The following DMD variants were observed in gnomAD, a reference collection of about 807,000 sequenced individuals.
DMD encodes mutant dystrophin.
A neutral mutation model predicts 330.1 loss-of-function variants in DMD; 63 were observed. The ratio of observed to expected loss-of-function variants is 0.19; its 90% CI spans 0.16 to 0.24. The LOEUF (loss-of-function observed/expected upper bound fraction) is 0.24. Among genes scored for constraint, DMD ranks in the 10% least tolerant of loss-of-function variants. The pLI is 1.00. For missense variants in DMD, 3,344 were observed against 2,684.1 expected, an observed-to-expected ratio of 1.25 and a Z score of -5.43; for synonymous variants, 1,223 against 959.8, an observed-to-expected ratio of 1.27 and a Z score of -5.07.
In DMD at chrX:31,227,121, G is replaced by A. The variant is rs894075290; in HGVS notation, c.9287-4000C>T. ...TATCATCTTTCTTCTTTCAAAGAAC[G>A]ACGATTCCTCTCTTATGACCCCAAT... On this transcript the variant is annotated intron_variant, in intron 63 of 78. Transcript: ENST00000357033. 2.7e-5 allele frequency among the ~76,000 whole-genome samples: 3 copies of A among 110,607 alleles called. No homozygotes were observed. In the East Asian group the frequency reaches 8.4e-4, roughly 31 times the overall value.
intron 51 of DMD, among the ~76,000 whole-genome samples, chrX:31,771,601 A>C (rs748625210): frequency 9.1e-6 from 1 of 109,672 alleles, no homozygotes; most frequent in South Asian, 3.9e-4. Flanking sequence ...TCCAGGATTC[A>C]AGTGATTCTC....
chrX:31,334,597 C>T (rs957986194), intron 61 of DMD, among the ~76,000 whole-genome samples: 2 of 111,436 alleles, frequency 1.8e-5, no homozygotes, highest in Non-Finnish European at 3.8e-5. Context: ...TTTTTATCTT[C>T]ATATTTCAGG....
At chrX:31,256,481 C>T (rs1007188091) in intron 63 of DMD, among the ~76,000 whole-genome samples, 1 of 111,907 alleles carries the variant, frequency 8.9e-6, no homozygotes, top group African/African-American at 3.2e-5. Flanking sequence ...ATTTCTAACA[C>T]TTGATGGAAA....
intron 55 of DMD, among the ~76,000 whole-genome samples, chrX:31,543,620 G>A (rs1224974651): frequency 4.5e-5 from 5 of 112,275 alleles, no homozygotes; most frequent in Non-Finnish European, 9.4e-5. Flanking sequence ...AGTCCATTTG[G>A]TGGATGTTTA....
chrX:32,374,595 T>C (rs1412418991), intron 34 of DMD, among the ~76,000 whole-genome samples: 2 of 112,031 alleles, frequency 1.8e-5, no homozygotes, highest in African/African-American at 3.2e-5. Context: ...GCCAACTTTG[T>C]CAAAAATCAG....
chrX:32,628,258 ATTTTTTTT>A (rs1170760390), intron 11 of DMD, among the ~76,000 whole-genome samples: 3 of 15,352 alleles, frequency 2.0e-4, no homozygotes, highest in East Asian at 2.2e-3. Context: ...AGTTGTTTTA[ATTTTTTTT>A]TTTTTTTTTT....
chrX:32,436,527 C>T (rs1237832706), intron 29 of DMD, among the ~76,000 whole-genome samples: 1 of 111,433 alleles, frequency 9.0e-6, no homozygotes, highest in African/African-American at 3.3e-5. Context: ...ATACCAAAAA[C>T]CTTTAAAATA....
At chrX:31,359,113 T>C (rs1194971767) in intron 60 of DMD, among the ~76,000 whole-genome samples, 1 of 111,874 alleles carries the variant, frequency 8.9e-6, no homozygotes, top group Non-Finnish European at 1.9e-5. Flanking sequence ...GCAGAAAAAA[T>C]AAAAATAAAT....
At chrX:31,756,464 A>G (rs1260393982) in intron 51 of DMD, among the ~76,000 whole-genome samples, 2 of 16,800 alleles carry the variant, frequency 1.2e-4, no homozygotes, top group South Asian at 3.9e-3. Context: ...GTGTATGTGT[A>G]CACACACACA....
intron 44 of DMD, among the ~76,000 whole-genome samples, chrX:31,984,020 C>G (rs182860783): frequency 9.0e-6 from 1 of 110,877 alleles, no homozygotes; most frequent in Non-Finnish European, 1.9e-5. Context: ...GAGATATATG[C>G]GAGACATGAA....
At chrX:32,900,487 G>T (rs370274297) in intron 2 of DMD, among the ~76,000 whole-genome samples, 1 of 111,231 alleles carries the variant, frequency 9.0e-6, no homozygotes, top group Non-Finnish European at 1.9e-5. Flanking sequence ...AGGACTATAG[G>T]TGCATGCCAC....
At chrX:33,142,765 A>T (rs149912946) in intron 1 of DMD, among the ~76,000 whole-genome samples, 3,654 of 112,520 alleles carry the variant, frequency 0.032, 157 homozygotes, top group African/African-American at 0.11. Flanking sequence ...TTCAATAAAT[A>T]TGAGGTTAGG....
chrX:31,359,717 C>T (rs1282663689), intron 60 of DMD, among the ~76,000 whole-genome samples: 2 of 111,806 alleles, frequency 1.8e-5, no homozygotes, highest in Non-Finnish European at 3.8e-5. Flanking sequence ...CAGGTCAGTG[C>T]CTGTCTCATA....
At chrX:33,008,844 A>ACTCATG (rs1375565369) in intron 2 of DMD, among the ~76,000 whole-genome samples, 8 of 36,419 alleles carry the variant, frequency 2.2e-4, no homozygotes, top group African/African-American at 8.4e-4. Context: ...ATATACACAT[A>ACTCATG]TATGTATACG....
chrX:32,384,745 T>C (rs947417469), intron 33 of DMD, among the ~76,000 whole-genome samples: 1 of 110,919 alleles, frequency 9.0e-6, no homozygotes, highest in Non-Finnish European at 1.9e-5. Context: ...GACATTCATA[T>C]TTCTGTCTAA....
intron 49 of DMD, among the ~76,000 whole-genome samples, chrX:31,833,336 G>GGGAA (rs1193628150): frequency 5.6e-4 from 21 of 37,765 alleles, no homozygotes; most frequent in African/African-American, 2.4e-3. Context: ...GAGAGAGGGA[G>GGGAA]AGAGTGGAGA....
At chrX:32,031,143 AG>A (rs78095294) in intron 44 of DMD, among the ~76,000 whole-genome samples, 25,047 of 110,680 alleles carry the variant, frequency 0.23, 2,108 homozygotes, top group African/African-American at 0.24. Flanking sequence ...AAGTTCAATC[AG>A]GGGGTCCTGC....
At chrX:31,169,986 C>T (rs183536147) in intron 73 of DMD, among the ~76,000 whole-genome samples, 15 of 112,186 alleles carry the variant, frequency 1.3e-4, no homozygotes, top group Non-Finnish European at 2.3e-4. Flanking sequence ...CACTAACCCA[C>T]GCTATTGTTG....
At chrX:31,543,351 A>G (rs1258565704) in intron 55 of DMD, among the ~76,000 whole-genome samples, 1 of 109,529 alleles carries the variant, frequency 9.1e-6, no homozygotes, top group Non-Finnish European at 1.9e-5. Flanking sequence ...TTGTATTTTT[A>G]GTAGAGATGG....
Sources: gnomAD v4.1 joint callset for allele counts (sites outside exome capture counted in the v4.1 genomes callset) on GRCh38, gnomAD v4.1.1 for gene constraint, MANE v1.5 for transcripts, NCBI Gene and HGNC (gene_info 2026-07-23, HGNC 2026-07-21) for gene names.